The following SGK1 variants were observed in gnomAD, a reference collection of about 807,000 sequenced individuals.
SGK1 encodes the protein serum/glucocorticoid regulated kinase 1.
Under a neutral mutation model 64.2 loss-of-function variants are expected in SGK1, and 26 were observed. The ratio of observed to expected loss-of-function variants is 0.40; its 90% CI spans 0.30 to 0.56. The LOEUF (loss-of-function observed/expected upper bound fraction) is 0.56. SGK1 is among the 20% of genes least tolerant of loss of function. The probability of loss-of-function intolerance (pLI) is 0.38; values close to 1 mark genes in which losing one functional copy is unlikely to be tolerated. For missense variants in SGK1, 519 were observed against 645.6 expected, an observed-to-expected ratio of 0.80 and a Z score of 2.12; for synonymous variants, 265 against 239.7, an observed-to-expected ratio of 1.11 and a Z score of -0.98.
intron 3 of SGK1, among the ~76,000 whole-genome samples, chr6:134,189,053 T>C (rs1775467266): frequency 6.6e-6 from 1 of 151,956 alleles, no homozygotes; most frequent in Non-Finnish European, 1.5e-5. Context: ...CCAGACAATT[T>C]TTTTTTACAG....
intron 2 of SGK1, among the ~76,000 whole-genome samples, chr6:134,243,488 G>C (rs1412800460): frequency 6.6e-6 from 1 of 152,066 alleles, no homozygotes. Context: ...CCCTGCCTCA[G>C]CCTCCTAAGT....
chr6:134,262,210 G>C, intron 1 of SGK1, 62 bp from the exon 2 acceptor site: 1 of 1,239,908 alleles, frequency 8.1e-7, no homozygotes, highest in African/African-American at 1.5e-5. Context: ...GTTTATTGGG[G>C]ATTTGGTGGG....
intron 2 of SGK1, among the ~76,000 whole-genome samples, chr6:134,212,323 G>C (rs1308401040): frequency 6.6e-6 from 1 of 152,150 alleles, no homozygotes; most frequent in African/African-American, 2.4e-5. Flanking sequence ...AAAGTGCTGC[G>C]ATTACAGGCG....
At chr6:134,241,660 A>G (rs187985396) in intron 2 of SGK1, among the ~76,000 whole-genome samples, 3 of 152,186 alleles carry the variant, frequency 2.0e-5, no homozygotes, top group East Asian at 1.9e-4. Context: ...TCGCTCTGTC[A>G]CCCAGGCTGG....
chr6:134,245,592 T>C (rs954491102), intron 2 of SGK1, among the ~76,000 whole-genome samples: 12 of 152,240 alleles, frequency 7.9e-5, no homozygotes, highest in African/African-American at 2.7e-4. Context: ...TGGTGGCTAA[T>C]GCCTGTTATC....
At chr6:134,313,013 T>C (rs1016386703) in intron 1 of SGK1, among the ~76,000 whole-genome samples, 4 of 152,190 alleles carry the variant, frequency 2.6e-5, no homozygotes, top group Non-Finnish European at 4.4e-5. Flanking sequence ...CTTTAAGTGA[T>C]CTGCCTGCCT....
chr6:134,305,954 T>C (rs1777528946), intron 1 of SGK1, among the ~76,000 whole-genome samples: 1 of 152,202 alleles, frequency 6.6e-6, no homozygotes, highest in South Asian at 2.1e-4. Context: ...TTTCAACATA[T>C]ACTTATTGAT....
chr6:134,307,996 G>A (rs1003953719), intron 1 of SGK1, among the ~76,000 whole-genome samples: 1 of 152,220 alleles, frequency 6.6e-6, no homozygotes, highest in Non-Finnish European at 1.5e-5. Context: ...CACCCAGCAC[G>A]TGTATATTCT....
At chr6:134,297,922 C>T (rs532945435) in intron 1 of SGK1, 3 of 804,402 alleles carry the variant, frequency 3.7e-6, no homozygotes, top group African/African-American at 3.4e-5. Flanking sequence ...GTGATCTCCT[C>T]GTACTGCGCC....
intron 3 of SGK1, among the ~76,000 whole-genome samples, chr6:134,197,384 A>C (rs1775609566): frequency 6.6e-6 from 1 of 152,052 alleles, no homozygotes. Context: ...GTCTACCCAA[A>C]GGTGTTATGT....
At chr6:134,273,453 C>T (rs1316321034) in intron 1 of SGK1, among the ~76,000 whole-genome samples, 3 of 148,324 alleles carry the variant, frequency 2.0e-5, no homozygotes, top group Non-Finnish European at 3.0e-5. Flanking sequence ...ATTAGCCGGG[C>T]GTAGTGGTGG....
At chr6:134,247,911 A>G (rs180881446) in intron 2 of SGK1, among the ~76,000 whole-genome samples, 89 of 152,316 alleles carry the variant, frequency 5.8e-4, no homozygotes, top group African/African-American at 2.0e-3. Context: ...AATAACCATT[A>G]CCAATCCATT....
intron 3 of SGK1, among the ~76,000 whole-genome samples, chr6:134,205,230 G>T (rs1775751128): frequency 6.6e-6 from 1 of 152,076 alleles, no homozygotes; most frequent in Non-Finnish European, 1.5e-5. Context: ...ATGTGCTGTA[G>T]ATCTTACTAG....
chr6:134,237,694 A>G (rs1776386149), intron 2 of SGK1, among the ~76,000 whole-genome samples: 1 of 152,138 alleles, frequency 6.6e-6, no homozygotes, highest in Non-Finnish European at 1.5e-5. Context: ...ATAAATAAAT[A>G]ATATTTTCAT....
At chr6:134,259,032 A>G (rs1776724695) in intron 2 of SGK1, among the ~76,000 whole-genome samples, 2 of 152,190 alleles carry the variant, frequency 1.3e-5, no homozygotes, top group Admixed American at 6.5e-5. Context: ...TTGATTTGTG[A>G]TAACCTTAGG....
At chr6:134,174,912 G>A (rs1775172956) in intron 3 of SGK1, 3 of 1,554,522 alleles carry the variant, frequency 1.9e-6, no homozygotes, top group South Asian at 2.3e-5. Context: ...CGCCGCGGGG[G>A]CGGGGCCTGC....
intron 1 of SGK1, among the ~76,000 whole-genome samples, chr6:134,275,742 G>A (rs1562272009): frequency 1.3e-5 from 2 of 152,054 alleles, no homozygotes; most frequent in South Asian, 2.1e-4. Flanking sequence ...TATTGTGCCC[G>A]GAATGCATCC....
chr6:134,187,063 G>T (rs767604819), intron 3 of SGK1, among the ~76,000 whole-genome samples: 3 of 152,012 alleles, frequency 2.0e-5, no homozygotes, highest in Admixed American at 6.6e-5. Context: ...TGATCTGCTC[G>T]CCTCGGCCTC....
chr6:134,279,856 A>T (rs1005507800), intron 1 of SGK1, among the ~76,000 whole-genome samples: 1 of 152,180 alleles, frequency 6.6e-6, no homozygotes, highest in Non-Finnish European at 1.5e-5. Context: ...CAGTCTGGTT[A>T]AGTAAAATAT....
Sources: gnomAD v4.1 joint callset for allele counts (sites outside exome capture counted in the v4.1 genomes callset) on GRCh38, gnomAD v4.1.1 for gene constraint, MANE v1.5 for transcripts, NCBI Gene and HGNC (gene_info 2026-07-23, HGNC 2026-07-21) for gene names.